The following PTPRN2 variants were observed in gnomAD, a reference collection of about 807,000 sequenced individuals.
PTPRN2 encodes receptor-type tyrosine-protein phosphatase N2.
Under a neutral mutation model 118.8 loss-of-function variants are expected in PTPRN2, and 74 were observed. The observed-to-expected ratio is 0.62, with a 90% confidence interval of 0.52 to 0.76. The LOEUF is 0.76. Among genes scored for constraint, PTPRN2 ranks in the 30% least tolerant of loss-of-function variants. The pLI, the probability that PTPRN2 is intolerant of heterozygous loss-of-function variation, is 0.00. For missense variants in PTPRN2, 1,481 were observed against 1,394.4 expected, an observed-to-expected ratio of 1.06 and a Z score of -0.99; for synonymous variants, 641 against 608.0, an observed-to-expected ratio of 1.05 and a Z score of -0.80.
intron 1 of PTPRN2, among the ~76,000 whole-genome samples, chr7:158,533,646 G>A (rs1408821499): frequency 2.0e-5 from 3 of 152,176 alleles, no homozygotes; most frequent in Admixed American, 2.0e-4. Flanking sequence ...TGCACCAGGT[G>A]GACACCACAG....
chr7:157,922,817 G>A (rs1798759919), intron 11 of PTPRN2, among the ~76,000 whole-genome samples: 1 of 95,098 alleles, frequency 1.1e-5, no homozygotes, highest in Non-Finnish European at 2.2e-5. Context: ...TGCTTTCTAA[G>A]TCACAAATAA....
At chr7:158,124,029 G>T (rs1019101659) in intron 9 of PTPRN2, among the ~76,000 whole-genome samples, 3 of 151,860 alleles carry the variant, frequency 2.0e-5, no homozygotes, top group African/African-American at 7.3e-5. Flanking sequence ...AATCTGATTC[G>T]ACCTCAGATC....
intron 11 of PTPRN2, among the ~76,000 whole-genome samples, chr7:158,026,513 C>A (rs1198674725): frequency 2.0e-5 from 3 of 152,192 alleles, no homozygotes; most frequent in Non-Finnish European, 2.9e-5. Flanking sequence ...CGAAATTATT[C>A]TTTTTACTCA....
rs1335001688 is a variant in PTPRN2 at position 157,585,147 on chromosome 7, TGAG to T, written c.2497-7010_2497-7008del. On this transcript the variant is annotated intron_variant, in intron 17 of 22. Transcript: ENST00000389418. This position sits in a 1 kb window ranked among gnomAD's most constrained non-coding sequence, Gnocchi z 5.2. Reference sequence around the variant, plus strand: ...TCAGCAGTGCTGATGGAAAGGCTGATGAGGGGGCAGCGGGAGGAACCCCCCTGT... The same window carrying T: ...TCAGCAGTGCTGATGGAAAGGCTGATGGGGCAGCGGGAGGAACCCCCCTGT... Among the ~76,000 whole-genome samples, 7 of 152,176 alleles carry T rather than the reference TGAG, an allele frequency of 4.6e-5. No homozygotes were observed. In the South Asian group the frequency reaches 1.5e-3, roughly 32 times the overall value.
At chr7:158,256,642 C>T (rs1483410539) in intron 3 of PTPRN2, among the ~76,000 whole-genome samples, 1 of 152,086 alleles carries the variant, frequency 6.6e-6, no homozygotes, top group African/African-American at 2.4e-5. Context: ...GAGGGCAGGA[C>T]TCAAGCAGCT....
intron 11 of PTPRN2, among the ~76,000 whole-genome samples, chr7:157,956,719 C>T (rs1490499554): frequency 6.6e-6 from 1 of 152,208 alleles, no homozygotes; most frequent in Non-Finnish European, 1.5e-5. Context: ...ATCAAGGGCC[C>T]ACAGAGGAAT....
At chr7:157,597,170 A>G (rs1348285562) in intron 16 of PTPRN2, among the ~76,000 whole-genome samples, 1 of 152,220 alleles carries the variant, frequency 6.6e-6, no homozygotes, top group East Asian at 1.9e-4. Flanking sequence ...CAACACGGTG[A>G]CGCTAGCCGG....
chr7:158,544,737 T>A lies in PTPRN2; in HGVS notation c.112+42821A>T, dbSNP rs1195267696. Among the ~76,000 whole-genome samples the A allele has an allele frequency of 6.6e-6, 1 of 152,224 alleles. No homozygotes were observed. The highest frequency in any genetic ancestry group is 1.5e-5 in the Non-Finnish European group (1 of 68,032). On this transcript the variant is annotated intron_variant, in intron 1 of 22. Transcript: ENST00000389418. The surrounding 1 kb of genome is among the most constrained non-coding windows in gnomAD (Gnocchi z 4.2). ...TACGTGTGGTCCAAGATAATTCTTA[T>A]TCCAGTGTAACCCGGGGATACCAAA...
At chr7:157,789,682 G>A (rs1243223416) in intron 12 of PTPRN2, among the ~76,000 whole-genome samples, 5 of 151,514 alleles carry the variant, frequency 3.3e-5, no homozygotes, top group African/African-American at 1.2e-4. Context: ...GTGCATGTAT[G>A]TGTGTGGGGG....
At chr7:158,324,941 T>C (rs922059829) in intron 2 of PTPRN2, among the ~76,000 whole-genome samples, 1 of 152,196 alleles carries the variant, frequency 6.6e-6, no homozygotes, top group Admixed American at 6.5e-5. Context: ...CCCTAGAGGA[T>C]ATCCTAGGAG....
chr7:158,054,495 T>C (rs1809630248), intron 11 of PTPRN2, among the ~76,000 whole-genome samples: 1 of 152,350 alleles, frequency 6.6e-6, no homozygotes, highest in South Asian at 2.1e-4. Context: ...GTCGAGTCTA[T>C]GAAACATGCC....
chr7:157,788,526 C>A (rs983688436), intron 12 of PTPRN2, among the ~76,000 whole-genome samples: 1 of 152,212 alleles, frequency 6.6e-6, no homozygotes, highest in Non-Finnish European at 1.5e-5. Context: ...CTCCACGGGG[C>A]TGGAGCAGTC....
intron 12 of PTPRN2, among the ~76,000 whole-genome samples, chr7:157,866,711 TGG>T (rs1429693153): frequency 1.3e-5 from 2 of 151,910 alleles, no homozygotes; most frequent in Middle Eastern, 3.2e-3. Flanking sequence ...ACACACACCC[TGG>T]GGTCTCCTCA....
intron 11 of PTPRN2, among the ~76,000 whole-genome samples, chr7:158,052,936 C>T (rs547822240): frequency 2.8e-4 from 43 of 152,260 alleles, no homozygotes; most frequent in African/African-American, 1.0e-3. Flanking sequence ...GCCAGTGCCG[C>T]CCTTCTGCGA....
chr7:158,387,547 T>A, intron 2 of PTPRN2, among the ~76,000 whole-genome samples: 2 of 152,306 alleles, frequency 1.3e-5, no homozygotes, highest in African/African-American at 2.4e-5. Flanking sequence ...GGGACTGGAC[T>A]CCAGGGGGCT....
chr7:158,357,164 C>G (rs903316798), intron 2 of PTPRN2, among the ~76,000 whole-genome samples: 8 of 152,184 alleles, frequency 5.3e-5, no homozygotes, highest in Non-Finnish European at 1.2e-4. Flanking sequence ...GATGTGAACA[C>G]GGGGCTTGTT....
At chr7:158,109,430 G>A (rs1011347825) in intron 10 of PTPRN2, among the ~76,000 whole-genome samples, 2 of 149,528 alleles carry the variant, frequency 1.3e-5, no homozygotes, top group Admixed American at 6.6e-5. Flanking sequence ...AAGACTCTGT[G>A]AGTGAATGAT....
chr7:158,397,456 C>G (rs1433191912), intron 2 of PTPRN2, among the ~76,000 whole-genome samples: 1 of 152,214 alleles, frequency 6.6e-6, no homozygotes, highest in Non-Finnish European at 1.5e-5. Flanking sequence ...GAAGCAGGTC[C>G]TCAGATCGAG....
chr7:157,939,980 C>G (rs879460257), intron 11 of PTPRN2, among the ~76,000 whole-genome samples: 29 of 152,212 alleles, frequency 1.9e-4, no homozygotes, highest in Non-Finnish European at 2.9e-4. Context: ...TACCCAGGTC[C>G]TGGAAGGTGT....
Sources: gnomAD v4.1 joint callset for allele counts (sites outside exome capture counted in the v4.1 genomes callset) on GRCh38, gnomAD v4.1.1 for gene constraint, Gnocchi (gnomAD v3.1) non-coding constraint, MANE v1.5 for transcripts, NCBI Gene and HGNC (gene_info 2026-07-23, HGNC 2026-07-21) for gene names.